LMO3: variants seen among roughly 807,000 people sequenced by gnomAD.
The protein encoded by LMO3 is LIM domain only 3, also known as LIM domain only protein 3.
A neutral mutation model predicts 15.8 loss-of-function variants in LMO3; 2 were observed. The ratio of observed to expected loss-of-function variants is 0.13; its 90% CI spans 0.05 to 0.40. The LOEUF is 0.40. Ranked by LOEUF, LMO3 falls within the 10% of genes least tolerant of loss-of-function variation. The pLI is 0.99. For synonymous variants in LMO3, 62 were observed against 63.8 expected (o/e 0.97, Z 0.13); for missense variants, 86 against 182.2 (o/e 0.47, Z 3.04).
chr12:16,595,797 A>G (rs939293307), intron 2 of LMO3, among the ~76,000 whole-genome samples: 1 of 151,510 alleles, frequency 6.6e-6, no homozygotes, highest in African/African-American at 2.4e-5. Flanking sequence ...AATGAAGCTT[A>G]TAGAAATAAA....
chr12:16,606,322 G>C (rs1405167428), upstream of LMO3: 1 of 153,426 alleles, frequency 6.5e-6, no homozygotes, highest in Non-Finnish European at 1.4e-5. Flanking sequence ...TCTCCGTCCT[G>C]GTTCAAGACA....
At chr12:16,605,740 C>T (rs1182962795) in intron 1 of LMO3, 2 of 1,533,704 alleles carry the variant, frequency 1.3e-6, no homozygotes, top group African/African-American at 2.7e-5. Context: ...TCATGGTGAA[C>T]TTTGACTATT....
At chr12:16,600,291 C>CAAAAA (rs35993210) in intron 2 of LMO3, 8 of 69,682 alleles carry the variant, frequency 1.1e-4, no homozygotes, top group Admixed American at 3.6e-4. Flanking sequence ...CCTTAAGCTC[C>CAAAAA]AAAAAAAAAA....
Position 16,605,171 on chromosome 12 carries a change from C to A in LMO3, c.-9+895G>T. ...ATGACAAAGCCACATGCTTCCCTAACTCTGCCCGTAATCCTAAAATCCCAG... is the reference window on the plus strand; with the variant it reads ...ATGACAAAGCCACATGCTTCCCTAAATCTGCCCGTAATCCTAAAATCCCAG... On this transcript the variant is annotated intron_variant, in intron 1 of 3. Coordinates refer to ENST00000537304, the MANE Select transcript of LMO3 (RefSeq NM_018640.5). 2.9e-6 allele frequency: 4 copies of A among 1,368,512 alleles called. No homozygotes were observed. In the Admixed American group the frequency reaches 1.3e-4, roughly 44 times the overall value. The allele number at this position is 1,368,512 out of a possible 1,614,324, so 84.8% of individuals were successfully genotyped here. A position where few individuals can be genotyped will look rare whatever the true frequency, so the allele number is the denominator to read the frequency against.
intron 3 of LMO3, among the ~76,000 whole-genome samples, chr12:16,552,117 T>A (rs139380943): frequency 0.021 from 3,268 of 152,152 alleles, 71 homozygotes; most frequent in South Asian, 0.058. Context: ...TTTTAATAAG[T>A]GTTCTTTCTG....
intron 2 of LMO3, among the ~76,000 whole-genome samples, chr12:16,570,158 C>G (rs1591792213): frequency 6.6e-6 from 1 of 152,104 alleles, no homozygotes; most frequent in East Asian, 1.9e-4. Flanking sequence ...TTGTGATAGT[C>G]TATTCTATAA....
chr12:16,554,757 C>T (rs572818713), intron 3 of LMO3, among the ~76,000 whole-genome samples: 2 of 152,286 alleles, frequency 1.3e-5, no homozygotes, highest in African/African-American at 2.4e-5. Flanking sequence ...CCCGGGTTCC[C>T]GCCATTCTCC....
In LMO3 at chr12:16,560,029, A is replaced by G. The variant is rs949268170; in HGVS notation, c.332+384T>C. Among the ~76,000 whole-genome samples the G allele has an allele frequency of 6.6e-6, 1 of 152,100 alleles. No individual in the cohort carries two copies. Among genetic ancestry groups the G allele is most frequent in the Non-Finnish European group, 1.5e-5 (1 of 68,006 alleles). ...ATAAAAAATAATAAGAATATAAAAT[A>G]CCTGCAACAAATTCCTGTATATTTG... On this transcript the variant is annotated intron_variant, in intron 3 of 3. Coordinates refer to ENST00000537304, the MANE Select transcript of LMO3 (RefSeq NM_018640.5). This position sits in a 1 kb window ranked among gnomAD's most constrained non-coding sequence, Gnocchi z 5.0.
intron 2 of LMO3, among the ~76,000 whole-genome samples, chr12:16,568,984 A>G (rs1942716980): frequency 6.6e-6 from 1 of 152,246 alleles, no homozygotes; most frequent in Non-Finnish European, 1.5e-5. Flanking sequence ...GTATGCTAAT[A>G]GTGTGAATCA....
At position 16,585,277 on chromosome 12, in the gene LMO3, ATGGT is replaced by A. The variant is rs201629991; in HGVS notation, c.206+15374_206+15377del. On this transcript the variant is annotated intron_variant, in intron 2 of 3. Coordinates refer to ENST00000537304, the MANE Select transcript of LMO3 (RefSeq NM_018640.5). This position sits in a 1 kb window ranked among gnomAD's most constrained non-coding sequence, Gnocchi z 4.7. ...CCTATTTTATTTACATTCAAGTATC[ATGGT>A]AGAAAACAAGTTATTGATTACTGCT... 0.013 allele frequency among the ~76,000 whole-genome samples: 1,933 copies of A among 152,306 alleles called. 47 individuals carry two copies. The highest frequency in any genetic ancestry group is 0.044 in the African/African-American group (1,842 of 41,550).
At position 16,560,275 on chromosome 12, in the gene LMO3, A is replaced by G. The variant is rs1483154012; in HGVS notation, c.332+138T>C. On this transcript the variant is annotated intron_variant, in intron 3 of 3. Coordinates refer to ENST00000537304, the MANE Select transcript of LMO3 (RefSeq NM_018640.5). The surrounding 1 kb of genome is among the most constrained non-coding windows in gnomAD (Gnocchi z 5.0). ...TTCTCCTTAGTAGCTTGTCTCTGGC[A>G]TGGGATTAAAGTTTACAGAACAGAA... is the stretch of plus-strand genomic sequence containing the variant. 6 of 870,126 alleles carry G rather than the reference A, an allele frequency of 6.9e-6. No individual in the cohort carries two copies. The highest frequency in any genetic ancestry group is 1.0e-5 in the Non-Finnish European group (6 of 597,868). The allele number at this position is 870,126 out of a possible 1,614,324, so 53.9% of individuals were successfully genotyped here.
chr12:16,572,641 T>C (rs1357209001), intron 2 of LMO3, among the ~76,000 whole-genome samples: 1 of 148,500 alleles, frequency 6.7e-6, no homozygotes, highest in Admixed American at 6.7e-5. Context: ...ACTTGTAAAA[T>C]ATATTTAAGT....
At chr12:16,583,520 G>A (rs993212138) in intron 2 of LMO3, among the ~76,000 whole-genome samples, 1 of 152,136 alleles carries the variant, frequency 6.6e-6, no homozygotes, top group Non-Finnish European at 1.5e-5. Context: ...TGGAGCCAAG[G>A]ACATAAAATT....
upstream of LMO3, chr12:16,607,027 C>A (rs1944022846): frequency 1.3e-5 from 2 of 152,198 alleles, no homozygotes; most frequent in African/African-American, 2.4e-5. Flanking sequence ...AAGCACACAA[C>A]CCTCCCCTTT....
In LMO3 at chr12:16,550,218, C is replaced by CA. The variant is rs1275221533; in HGVS notation, c.*1003dup. ...ACACTCAAATCTTTTCAGTGTCATA[C>CA]ATTTATTAAGCCATAAAGTTATGAA... On this transcript the variant is annotated 3_prime_UTR_variant, in exon 4 of 4. Transcript: ENST00000537304. 1 of 152,268 alleles carries CA rather than the reference C, an allele frequency of 6.6e-6. No individual in the cohort carries two copies. Among genetic ancestry groups the CA allele is most frequent in the East Asian group, 1.9e-4 (1 of 5,190 alleles). The allele number at this position is 152,268 out of a possible 1,614,324, so 9.4% of individuals were successfully genotyped here. A position where few individuals can be genotyped will look rare whatever the true frequency, so the allele number is the denominator to read the frequency against.
chr12:16,608,571 C>A (rs1037131225), upstream of LMO3: 1 of 152,154 alleles, frequency 6.6e-6, no homozygotes, highest in African/African-American at 2.4e-5. This position sits in a 1 kb window ranked among gnomAD's most constrained non-coding sequence, Gnocchi z 4.1. Flanking sequence ...ACTTTGTCAC[C>A]TTTTTCTTAA....
intron 3 of LMO3, among the ~76,000 whole-genome samples, chr12:16,552,935 C>T (rs374060388): frequency 7.0e-6 from 1 of 143,054 alleles, no homozygotes; most frequent in African/African-American, 2.4e-5. Context: ...CAGTAGGGTC[C>T]AAACTCTACC....
chr12:16,570,537 CT>C (rs1411901219), intron 2 of LMO3, among the ~76,000 whole-genome samples: 2 of 151,888 alleles, frequency 1.3e-5, no homozygotes, highest in African/African-American at 4.8e-5. Flanking sequence ...GGAAATAATC[CT>C]GGGAATGACA....
intron 2 of LMO3, among the ~76,000 whole-genome samples, chr12:16,572,953 T>C (rs1366478533): frequency 6.6e-6 from 1 of 151,750 alleles, no homozygotes; most frequent in Non-Finnish European, 1.5e-5. Flanking sequence ...AAATAGGAAA[T>C]TATAAATATG....
Sources: allele counts gnomAD v4.1 joint callset (sites outside exome capture counted in the v4.1 genomes callset), GRCh38; gene constraint gnomAD v4.1.1; non-coding constraint Gnocchi (gnomAD v3.1); transcripts MANE v1.5; gene names NCBI Gene and HGNC (gene_info 2026-07-23, HGNC 2026-07-21).